SLFN11: variants seen among roughly 807,000 people sequenced by gnomAD.
The protein encoded by SLFN11 is schlafen family member 11.
In SLFN11, 43 loss-of-function variants were observed where a neutral mutation model predicts 53.4. The ratio of observed to expected loss-of-function variants is 0.80; its 90% CI spans 0.63 to 1.04. SLFN11 has a LOEUF of 1.04. Among genes scored for constraint, SLFN11 ranks in the 50% least tolerant of loss-of-function variants. The probability of loss-of-function intolerance (pLI) is 0.00; values close to 1 mark genes in which losing one functional copy is unlikely to be tolerated. For synonymous variants in SLFN11, 389 were observed against 394.7 expected (o/e 0.99, Z 0.17); for missense variants, 990 against 1,079.1 (o/e 0.92, Z 1.16).
chr17:35,370,284 C>T (rs1448551707), intron 1 of SLFN11, among the ~76,000 whole-genome samples: 4 of 152,176 alleles, frequency 2.6e-5, no homozygotes, highest in Admixed American at 1.3e-4. Flanking sequence ...CTCATTATCC[C>T]TTCATGGAAA....
chr17:35,361,242 A>G (rs2141958948), intron 4 of SLFN11, among the ~76,000 whole-genome samples: 1 of 152,236 alleles, frequency 6.6e-6, no homozygotes, highest in South Asian at 2.1e-4. Flanking sequence ...ATGTTTGGGA[A>G]GCAGTAGTGA....
chr17:35,362,906 T>C lies in SLFN11; in HGVS notation c.902A>G (p.Asn301Ser). The C allele has an allele frequency of 6.2e-7, 1 of 1,613,892 alleles. No homozygotes were observed. The highest frequency in any genetic ancestry group is 8.5e-7 in the Non-Finnish European group (1 of 1,179,932). The change falls in exon 4 of 7, where the codon AAT becomes AGT. Residue 301 changes from asparagine (N) to serine (S), a missense_variant. Asn to Ser is a conservative substitution (Grantham distance 46). Coordinates refer to ENST00000685675, the MANE Select transcript of SLFN11 (RefSeq NM_001376007.1). ...ATAGAGCTCTCCCCTTTTTAACACATTCACAATTTTGAGTGTGAAGGTTAT... is the reference window on the plus strand; with the variant it reads ...ATAGAGCTCTCCCCTTTTTAACACACTCACAATTTTGAGTGTGAAGGTTAT... ...RPITFTLKIV[N>S]VLKRGELYGY...
rs746690453 is a variant in SLFN11, at chr17:35,352,867, C to A, written c.2195G>T (p.Arg732Leu). ...YPREELTRIV[R>L]NADPIAKYLQ... is the part of the protein sequence containing the mutation. ...GTACTTGGCTATTGGATCTGCATTG[C>A]GAACTATTCTGGTGAGCTCTTCTCT... The change falls in exon 7 of 7, where the codon CGC becomes CTC. Residue 732 changes from arginine (R) to leucine (L), a missense_variant. Around this residue, in one of 3 missense-constraint regions of SLFN11, gnomAD observed 313 missense variants for 320.9 expected, o/e 0.98. Coordinates refer to ENST00000685675, the MANE Select transcript of SLFN11 (RefSeq NM_001376007.1). 13 of 1,614,050 alleles carry A rather than the reference C, an allele frequency of 8.1e-6. No homozygotes were observed. Among genetic ancestry groups the A allele is most frequent in the Non-Finnish European group, 1.1e-5 (13 of 1,180,038 alleles).
rs1567813622 is a variant in SLFN11, at chr17:35,352,310, C to T, written c.*46G>A. On this transcript the variant is annotated 3_prime_UTR_variant, in exon 7 of 7. Coordinates refer to ENST00000685675, the MANE Select transcript of SLFN11 (RefSeq NM_001376007.1). ...AAGAAAGGTTTCTACCATCAGCAGA[C>T]TGTCACCCATAGACATTTACATAGC... 1.9e-6 allele frequency: 3 copies of T among 1,594,956 alleles called. No homozygotes were observed. The Admixed American group carries it at 5.1e-5, about 27-fold the overall frequency.
intron 4 of SLFN11, among the ~76,000 whole-genome samples, chr17:35,362,368 G>A (rs1908336822): frequency 6.6e-6 from 1 of 152,072 alleles, no homozygotes; most frequent in South Asian, 2.1e-4. Context: ...TTATTTAGGT[G>A]CAAGTATATA....
intron 5 of SLFN11, among the ~76,000 whole-genome samples, chr17:35,354,482 G>GC (rs1184706879): frequency 5.9e-5 from 9 of 152,234 alleles, no homozygotes; most frequent in Admixed American, 2.0e-4. Flanking sequence ...AGTAGCAGGA[G>GC]CCCCCCCTCC....
At position 35,363,167 on chromosome 17, in the gene SLFN11, T is replaced by G. The variant is rs1567823880; in HGVS notation, c.641A>C (p.Glu214Ala). 2 of 1,613,990 alleles carry G rather than the reference T, an allele frequency of 1.2e-6. No homozygotes were observed. The highest frequency in any genetic ancestry group is 1.7e-6 in the Non-Finnish European group (2 of 1,179,984). Reference protein sequence around the residue: ...ILPFPESQLVEFKQFSTKHFQ... With the variant: ...ILPFPESQLVAFKQFSTKHFQ... ...GTGTTTTGTAGAGAACTGTTTAAACTCTACTAACTGAGACTCAGGAAAAGG... is the reference window on the plus strand; with the variant it reads ...GTGTTTTGTAGAGAACTGTTTAAACGCTACTAACTGAGACTCAGGAAAAGG... Residue 214 changes from glutamate to alanine, a missense_variant, in exon 4 of 7, where the codon GAG (glutamate) becomes GCG (alanine). Transcript: ENST00000685675.
chr17:35,363,874 A>T, intron 3 of SLFN11, 48 bp from the exon 4 acceptor site: 5 of 1,420,524 alleles, frequency 3.5e-6, no homozygotes, highest in Non-Finnish European at 4.7e-6. Flanking sequence ...ATTTATTAAA[A>T]GGGTATTTAT....
In SLFN11 at chr17:35,362,479, C is replaced by T. The variant is rs1011471103; in HGVS notation, c.1069+260G>A. 3.9e-5 allele frequency among the ~76,000 whole-genome samples: 6 copies of T among 152,066 alleles called. 1 individual carries two copies. Among genetic ancestry groups the T allele is most frequent in the African/African-American group, 1.4e-4 (6 of 41,430 alleles). ...GCCAGTAAGAGCCATTCCAGTACAC[C>T]ATTGCAAGGGTGGCCATTCTCAAAT... On this transcript the variant is annotated intron_variant, in intron 4 of 6. Transcript: ENST00000685675.
chr17:35,372,833 A>G (rs1237068736), intron 1 of SLFN11, among the ~76,000 whole-genome samples: 1 of 152,052 alleles, frequency 6.6e-6, no homozygotes, highest in Non-Finnish European at 1.5e-5. Context: ...GCTGCGACAG[A>G]TGTGCCCTCT....
chr17:35,365,808 G>T (rs2141978089), intron 3 of SLFN11, among the ~76,000 whole-genome samples: 1 of 152,024 alleles, frequency 6.6e-6, no homozygotes, highest in East Asian at 1.9e-4. Context: ...CAATAGAATA[G>T]CATTTAGATT....
chr17:35,362,811 T>C lies in SLFN11; in HGVS notation c.997A>G (p.Ile333Val). The change falls in exon 4 of 7, where the codon ATA becomes GTA. Residue 333 changes from isoleucine (I) to valine (V), a missense_variant. This residue lies in a region of SLFN11 where 521 missense variants were observed against 516.2 expected (regional missense o/e 1.01). Transcript: ENST00000685675. ...CTGCAGACGTACTTGTCCTCCACTA[T>C]CCATGAATTGGGAGCTTCTGAGAAC... Reference protein sequence around the residue: ...AVFSEAPNSWIVEDKYVCSLT... With the variant: ...AVFSEAPNSWVVEDKYVCSLT... The C allele has an allele frequency of 6.2e-7, 1 of 1,612,532 alleles. No homozygotes were observed. The highest frequency in any genetic ancestry group is 1.1e-5 in the South Asian group (1 of 90,966).
chr17:35,352,954 T>A lies in SLFN11; in HGVS notation c.2108A>T (p.Asp703Val), dbSNP rs1485062516. ...GGPGILWIFL[D>V]YFQTSHLDCS... ...ATCCAAGTGGCTGGTCTGAAAGTAATCCAGAAAGATCCAGAGAATTCCTGG... is the reference window on the plus strand; with the variant it reads ...ATCCAAGTGGCTGGTCTGAAAGTAAACCAGAAAGATCCAGAGAATTCCTGG... The change falls in exon 7 of 7, where the codon GAT becomes GTT. Residue 703 changes from aspartate to valine, a missense_variant. Asp to Val is a radical substitution (Grantham distance 152). Coordinates refer to ENST00000685675, the MANE Select transcript of SLFN11 (RefSeq NM_001376007.1). 6.2e-7 allele frequency: 1 copy of A among 1,614,186 alleles called. No homozygotes were observed. Among genetic ancestry groups the A allele is most frequent in the Non-Finnish European group, 8.5e-7 (1 of 1,180,044 alleles).
chr17:35,370,199 T>C (rs992930829), intron 1 of SLFN11, among the ~76,000 whole-genome samples: 1 of 152,206 alleles, frequency 6.6e-6, no homozygotes, highest in Non-Finnish European at 1.5e-5. Flanking sequence ...GTCAATGTGA[T>C]ACATCATATC....
Position 35,353,572 on chromosome 17 carries a change from C to A in SLFN11, c.1686G>T (p.Arg562Ser). Residue 562 changes from arginine (R) to serine (S), a missense_variant, in exon 6 of 7, where the codon AGG becomes AGT. This residue lies in a region of SLFN11 where 156 missense variants were observed against 241.9 expected (regional missense o/e 0.64). Coordinates refer to ENST00000685675, the MANE Select transcript of SLFN11 (RefSeq NM_001376007.1). The part of the protein sequence containing the change: ...QSLVIVLLGF[R>S]SLLSDQLGCE... Reference sequence around the variant, plus strand: ...AGCCGAGCTGGTCACTCAAGAGAGACCTGAAGCCGAGTAAGACAATCACGA... The same window carrying A: ...AGCCGAGCTGGTCACTCAAGAGAGAACTGAAGCCGAGTAAGACAATCACGA... 7.9e-7 allele frequency: 1 copy of A among 1,257,870 alleles called. No homozygotes were observed. Among genetic ancestry groups the A allele is most frequent in the Non-Finnish European group, 1.1e-6 (1 of 933,368 alleles). The allele number at this position is 1,257,870 out of a possible 1,614,324, so 77.9% of individuals were successfully genotyped here.
rs1330950431 is a variant in SLFN11 at position 35,352,119 on chromosome 17, T to G, written c.*237A>C. The G allele has an allele frequency of 1.7e-6, 1 of 582,874 alleles. No individual in the cohort carries two copies. Among genetic ancestry groups the G allele is most frequent in the East Asian group, 2.8e-5 (1 of 35,422 alleles). The allele number at this position is 582,874 out of a possible 1,614,324, so 36.1% of individuals were successfully genotyped here. On this transcript the variant is annotated 3_prime_UTR_variant, in exon 7 of 7. Transcript: ENST00000685675. Reference sequence around the variant, plus strand: ...ATTGTGCAGGACAGCTAAAGTTCCTTTAGAAAACCACCATCTTTCTGGCTG... The same window carrying G: ...ATTGTGCAGGACAGCTAAAGTTCCTGTAGAAAACCACCATCTTTCTGGCTG...
At chr17:35,361,025 T>C (rs1473271262) in intron 4 of SLFN11, among the ~76,000 whole-genome samples, 4 of 152,104 alleles carry the variant, frequency 2.6e-5, no homozygotes, top group African/African-American at 9.7e-5. Flanking sequence ...ATAGAGTGCA[T>C]TAACTTTTTC....
rs926203838 is a variant in SLFN11, at chr17:35,353,612, G to C, written c.1646C>G (p.Ala549Gly). 8 of 1,134,010 alleles carry C rather than the reference G, an allele frequency of 7.1e-6. No homozygotes were observed. The highest frequency in any genetic ancestry group is 8.4e-6 in the Non-Finnish European group (7 of 830,860). 70.2% of individuals were successfully genotyped at this position (1,134,010 alleles called of 1,614,324 possible). Residue 549 changes from alanine to glycine, a missense_variant, in exon 6 of 7, where the codon GCC (alanine) becomes GGC (glycine). Ala to Gly is a moderately conservative substitution (Grantham distance 60). Transcript: ENST00000685675. ...GACAATCACGAGGGACTGCAGCAGGGCTTCCATGTGCTGGGTGCCTGCAAG... is the reference window on the plus strand; with the variant it reads ...GACAATCACGAGGGACTGCAGCAGGCCTTCCATGTGCTGGGTGCCTGCAAG... ...YSLAGTQHME[A>G]LLQSLVIVLL...
At chr17:35,369,643 A>C (rs1909410488) in intron 1 of SLFN11, among the ~76,000 whole-genome samples, 1 of 152,194 alleles carries the variant, frequency 6.6e-6, no homozygotes, top group Non-Finnish European at 1.5e-5. Flanking sequence ...TGAGAAAAAA[A>C]GGAGAATACC....
Sources: gnomAD v4.1 joint callset for allele counts (sites outside exome capture counted in the v4.1 genomes callset) on GRCh38, gnomAD v4.1.1 for gene constraint, gnomAD v4.1.1 regional missense constraint, MANE v1.5 for transcripts, NCBI Gene and HGNC (gene_info 2026-07-23, HGNC 2026-07-21) for gene names.